The following RAB27A variants were observed in gnomAD, a reference collection of about 807,000 sequenced individuals.
The protein encoded by RAB27A is RAB27A, member RAS oncogene family, also known as ras-related protein Rab-27A.
RAB27A carries 17 observed loss-of-function variants against 20.8 expected under a neutral mutation model. The ratio of observed to expected loss-of-function variants is 0.82; its 90% CI spans 0.56 to 1.23. The LOEUF (loss-of-function observed/expected upper bound fraction) is 1.23. Ranked by LOEUF, RAB27A falls within the 50% of genes most tolerant of loss-of-function variation. RAB27A has a pLI of 0.00. For missense variants in RAB27A, 277 were observed against 266.7 expected, an observed-to-expected ratio of 1.04 and a Z score of -0.27; for synonymous variants, 85 against 92.8, an observed-to-expected ratio of 0.92 and a Z score of 0.48.
chr15:55,218,399 G>A (rs866897487), intron 6 of RAB27A, among the ~76,000 whole-genome samples: 28 of 152,126 alleles, frequency 1.8e-4, no homozygotes, highest in African/African-American at 6.5e-4. Flanking sequence ...ATGCTACATC[G>A]CTAAGTTATT....
chr15:55,234,975 AT>A lies in RAB27A; in HGVS notation c.-22-20del. 6.4e-7 allele frequency: 1 copy of A among 1,559,756 alleles called. No homozygotes were observed. The highest frequency in any genetic ancestry group is 1.8e-5 in the Admixed American group (1 of 56,664). On this transcript the variant is annotated intron_variant, in intron 2 of 6. Coordinates refer to ENST00000336787, the MANE Select transcript of RAB27A (RefSeq NM_183235.3). ...AGTTCACCTGTAAAATACACACAAA[AT>A]TTTTTAATTAAAATCCATTAGAAAA...
chr15:55,305,110 G>C (rs2054991583), intron 2 of RAB27A, among the ~76,000 whole-genome samples: 1 of 152,294 alleles, frequency 6.6e-6, no homozygotes, highest in South Asian at 2.1e-4. Flanking sequence ...TGTGAGCTAA[G>C]TTGCAAGCCC....
Position 55,317,748 on chromosome 15 carries a change from G to C in RAB27A, c.-234+1183C>G, listed in dbSNP as rs2055061745. ...TATATACTCCTCCAGCAATTCCAAG[G>C]ACAGTGGCAAAAAGCAGTTGTGCAA... On this transcript the variant is annotated intron_variant, in intron 1 of 5. Coordinates refer to the RAB27A transcript ENST00000563262. 5 of 398,378 alleles carry C rather than the reference G, an allele frequency of 1.3e-5. No individual in the cohort carries two copies. In the Admixed American group the frequency reaches 2.2e-4, roughly 18 times the overall value. 24.7% of individuals were successfully genotyped at this position (398,378 alleles called of 1,614,324 possible). A position where few individuals can be genotyped will look rare whatever the true frequency, so the allele number is the denominator to read the frequency against.
exon 1 of RAB27A, chr15:55,319,051 C>A: frequency 1.6e-6 from 1 of 614,038 alleles, no homozygotes; most frequent in African/African-American, 1.9e-5. Context: ...AAGCCAAAGG[C>A]GAGTAGCAAT....
At chr15:55,268,149 CT>C (rs113400757) in intron 2 of RAB27A, among the ~76,000 whole-genome samples, 7,369 of 143,272 alleles carry the variant, frequency 0.051, 160 homozygotes, top group African/African-American at 0.071. Context: ...CCCAAAACAT[CT>C]TTTTTTTTTT....
At chr15:55,317,940 T>G in intron 1 of RAB27A, 1 of 381,970 alleles carries the variant, frequency 2.6e-6, no homozygotes, top group East Asian at 3.7e-5. Flanking sequence ...GTCACTACTT[T>G]GCACTGGAGT....
At chr15:55,221,482 G>A (rs74634605) in intron 6 of RAB27A, among the ~76,000 whole-genome samples, 18,640 of 151,984 alleles carry the variant, frequency 0.12, 1,430 homozygotes, top group Admixed American at 0.2. Context: ...GGAGCAGGGG[G>A]ACATTTCAGA....
At chr15:55,228,562 A>G (rs1312864525) in intron 5 of RAB27A, 47 bp downstream of exon 5, 1 of 1,376,094 alleles carries the variant, frequency 7.3e-7, no homozygotes. Context: ...CATTCTATAA[A>G]TAAGAGGGGA....
At position 55,285,704 on chromosome 15, in the gene RAB27A, G is replaced by A. The variant is rs192723667; in HGVS notation, c.-143+4012C>T. Among the ~76,000 whole-genome samples the A allele has an allele frequency of 8.8e-4, 134 of 152,310 alleles. 1 individual carries two copies. Among genetic ancestry groups the A allele is most frequent in the Non-Finnish European group, 1.6e-3 (112 of 67,996 alleles). On this transcript the variant is annotated intron_variant, in intron 1 of 6. Transcript: ENST00000336787. ...CTCTTCAAGAACCAATCTTGTTTTAGCGATGGCAAGACAATTTCCCTTCTC... is the reference window on the plus strand; with the variant it reads ...CTCTTCAAGAACCAATCTTGTTTTAACGATGGCAAGACAATTTCCCTTCTC...
At chr15:55,299,996 A>G (rs139606841) in intron 2 of RAB27A, among the ~76,000 whole-genome samples, 4,339 of 151,492 alleles carry the variant, frequency 0.029, 211 homozygotes, top group African/African-American at 0.1. Context: ...AATTTTTTGT[A>G]TTTCTAGTAG....
intron 3 of RAB27A, among the ~76,000 whole-genome samples, chr15:55,233,434 T>G (rs1199580633): frequency 6.6e-6 from 1 of 152,108 alleles, no homozygotes; most frequent in Non-Finnish European, 1.5e-5. Flanking sequence ...AACAACAGTA[T>G]CTATCAACAG....
chr15:55,228,807 A>G, intron 4 of RAB27A, 95 bp from the exon 5 acceptor site: 3 of 840,058 alleles, frequency 3.6e-6, no homozygotes, highest in Non-Finnish European at 6.2e-6. Context: ...ACAAAAGTTT[A>G]CCAATAACAA....
intron 1 of RAB27A, among the ~76,000 whole-genome samples, chr15:55,285,370 G>T (rs79031469): frequency 7.4e-5 from 11 of 149,362 alleles, no homozygotes; most frequent in Admixed American, 6.7e-5. Context: ...TCGTAAGAGA[G>T]GCATCTAATT....
rs534082643 is a variant in RAB27A at position 55,250,552 on chromosome 15, G to A, written c.-22-15596C>T. Among the ~76,000 whole-genome samples, 14 of 152,332 alleles carry A rather than the reference G, an allele frequency of 9.2e-5. 1 individual carries two copies. The highest frequency in any genetic ancestry group is 3.4e-4 in the African/African-American group (14 of 41,578). On this transcript the variant is annotated intron_variant, in intron 2 of 6. Coordinates refer to ENST00000336787, the MANE Select transcript of RAB27A (RefSeq NM_183235.3). Reference sequence around the variant, plus strand: ...CTACATTCAGTAAACGGCAGTCAAAGCTCAGGCACATGTTTCAGCAGATGT... The same window carrying A: ...CTACATTCAGTAAACGGCAGTCAAAACTCAGGCACATGTTTCAGCAGATGT...
intron 1 of RAB27A, chr15:55,270,692 A>T (rs887731413): frequency 6.6e-6 from 1 of 152,216 alleles, no homozygotes; most frequent in Non-Finnish European, 1.5e-5. Context: ...ACAATGCCTG[A>T]TCCAAACAAA....
At chr15:55,223,508 CA>C (rs113911906) in intron 6 of RAB27A, among the ~76,000 whole-genome samples, 135 of 133,322 alleles carry the variant, frequency 1.0e-3, no homozygotes, top group Non-Finnish European at 9.6e-4. Flanking sequence ...GACTCTGTCT[CA>C]AAAAAAAAAA....
upstream of RAB27A, among the ~76,000 whole-genome samples, chr15:55,290,587 G>C (rs919955750): frequency 6.6e-6 from 1 of 152,222 alleles, no homozygotes; most frequent in Admixed American, 6.5e-5. Context: ...TTAAGGAACC[G>C]CCTCTGTCGG....
rs143665490 is a variant in RAB27A, at chr15:55,235,901, T to C, written c.-22-945A>G. Among the ~76,000 whole-genome samples the C allele has an allele frequency of 9.7e-3, 1,469 of 152,212 alleles. 15 individuals carry two copies. Among genetic ancestry groups the C allele is most frequent in the Middle Eastern group, 0.017 (5 of 294 alleles). ...TTGAAGACAATTATTCTAAGTGAAG[T>C]AAGTCAGGAATGGAAAACCAAACAT... is the stretch of plus-strand genomic sequence containing the variant. On this transcript the variant is annotated intron_variant, in intron 2 of 6. Coordinates refer to ENST00000336787, the MANE Select transcript of RAB27A (RefSeq NM_183235.3).
rs555922475 is a variant in RAB27A, at chr15:55,255,119, T to A, written c.-23+15046A>T. The stretch of plus-strand genomic sequence containing the variant: ...GGGCTGAGGTCCTATTGACTGCACA[T>A]AGTATAAGAAAGGGAAGAGAAAGTT... On this transcript the variant is annotated intron_variant, in intron 2 of 6. Coordinates refer to ENST00000336787, the MANE Select transcript of RAB27A (RefSeq NM_183235.3). Among the ~76,000 whole-genome samples the A allele has an allele frequency of 3.5e-4, 54 of 152,284 alleles. No homozygotes were observed. The Middle Eastern group carries it at 0.01, about 29-fold the overall frequency.
Sources: allele counts gnomAD v4.1 joint callset (sites outside exome capture counted in the v4.1 genomes callset), GRCh38; gene constraint gnomAD v4.1.1; transcripts MANE v1.5; gene names NCBI Gene and HGNC (gene_info 2026-07-23, HGNC 2026-07-21).